UGT1A4: variants seen among roughly 807,000 people sequenced by gnomAD.
UGT1A4 encodes UDP-glucuronosyltransferase 1A4.
In UGT1A4, 32 loss-of-function variants were observed where a neutral mutation model predicts 41.1. The ratio of observed to expected loss-of-function variants is 0.78; its 90% confidence interval spans 0.59 to 1.05. The LOEUF (loss-of-function observed/expected upper bound fraction) is 1.05, where lower values mean the gene tolerates loss of function less well. UGT1A4 is among the 50% of genes least tolerant of loss of function. The pLI, the probability that UGT1A4 is intolerant of heterozygous loss-of-function variation, is 0.00. For synonymous variants in UGT1A4, 283 were observed against 265.1 expected, an observed-to-expected ratio of 1.07 and a Z score of -0.66; for missense variants, 748 against 677.4, an observed-to-expected ratio of 1.10 and a Z score of -1.16.
chr2:233,771,017 G>A (rs964132313), intron 4 of UGT1A4: 3 of 152,186 alleles, frequency 2.0e-5, no homozygotes, highest in African/African-American at 7.2e-5. Flanking sequence ...GCAGGAGCGA[G>A]AGAGAGTTGG....
At chr2:233,766,269 TCGG>T (rs1349388778) in intron 1 of UGT1A4, among the ~76,000 whole-genome samples, 29 of 67,888 alleles carry the variant, frequency 4.3e-4, no homozygotes, top group Admixed American at 8.2e-4. Context: ...TGGCCCGGGC[TCGG>T]TGGCCCGGGC....
At chr2:233,752,177 T>C (rs1381514307) in intron 1 of UGT1A4, among the ~76,000 whole-genome samples, 5 of 152,176 alleles carry the variant, frequency 3.3e-5, no homozygotes, top group Non-Finnish European at 7.3e-5. Context: ...TGATGTAAGC[T>C]GAATTAAAAT....
At chr2:233,740,031 T>C (rs1041494414) in intron 1 of UGT1A4, among the ~76,000 whole-genome samples, 2 of 151,832 alleles carry the variant, frequency 1.3e-5, no homozygotes, top group African/African-American at 2.4e-5. Flanking sequence ...CTGATGGTTT[T>C]ATAAGGGACT....
chr2:233,748,386 G>A (rs562746713), intron 1 of UGT1A4, among the ~76,000 whole-genome samples: 1 of 151,878 alleles, frequency 6.6e-6, no homozygotes, highest in African/African-American at 2.4e-5. Context: ...GTCCTTCATT[G>A]GGAAGGAGCA....
chr2:233,744,674 A>C (rs1324161550), intron 1 of UGT1A4, among the ~76,000 whole-genome samples: 16 of 151,928 alleles, frequency 1.1e-4, no homozygotes, highest in South Asian at 4.1e-4. Flanking sequence ...ATTACACATC[A>C]CCCATGTAGC....
chr2:233,733,374 C>T (rs1046101046), intron 1 of UGT1A4, among the ~76,000 whole-genome samples: 17 of 152,240 alleles, frequency 1.1e-4, no homozygotes, highest in Middle Eastern at 3.4e-3. Context: ...AGAGGTCATC[C>T]TTGTTTTGTG....
At chr2:233,729,021 C>G in intron 1 of UGT1A4, 4 of 1,593,202 alleles carry the variant, frequency 2.5e-6, no homozygotes, top group Non-Finnish European at 3.4e-6. Context: ...TCCAATTACA[C>G]GTTGATTTGC....
intron 1 of UGT1A4, among the ~76,000 whole-genome samples, chr2:233,763,329 T>C (rs752568926): frequency 2.0e-5 from 3 of 152,234 alleles, no homozygotes; most frequent in Non-Finnish European, 2.9e-5. Flanking sequence ...ATTATTTTTG[T>C]TTACATTTCC....
chr2:233,761,981 G>A (rs1697924435), intron 1 of UGT1A4, among the ~76,000 whole-genome samples: 1 of 152,178 alleles, frequency 6.6e-6, no homozygotes, highest in African/African-American at 2.4e-5. Context: ...CACCTTCGGA[G>A]GTGACCTTAT....
Position 233,729,783 on chromosome 2 carries a change from C to T in UGT1A4, c.867+10096C>T, listed in dbSNP as rs761502728. On this transcript the variant is annotated intron_variant, in intron 1 of 4. Coordinates refer to ENST00000373409, the MANE Select transcript of UGT1A4 (RefSeq NM_007120.3). Reference sequence around the variant, plus strand: ...TCAAGAACATGCTCTACCCTCTGGCCCTGTCCTACATTTGCCATGCTTTTT... The same window carrying T: ...TCAAGAACATGCTCTACCCTCTGGCTCTGTCCTACATTTGCCATGCTTTTT... 6 of 1,613,820 alleles carry T rather than the reference C, an allele frequency of 3.7e-6. No homozygotes were observed. In the Admixed American group the frequency reaches 8.3e-5, roughly 22 times the overall value.
rs1297199305 is a variant in UGT1A4, at chr2:233,749,242, C to T, written c.868-17792C>T. 1.3e-5 allele frequency among the ~76,000 whole-genome samples: 2 copies of T among 151,678 alleles called. 1 individual carries two copies. Among genetic ancestry groups the T allele is most frequent in the Admixed American group, 1.3e-4 (2 of 15,250 alleles). ...TAAGCTTCATTTTTTAAAATCAAACCACATGATTTTTTTATTGGTGATTTT... is the reference window on the plus strand; with the variant it reads ...TAAGCTTCATTTTTTAAAATCAAACTACATGATTTTTTTATTGGTGATTTT... On this transcript the variant is annotated intron_variant, in intron 1 of 4. Transcript: ENST00000373409.
In UGT1A4 at chr2:233,760,686, C is replaced by G. The variant is rs1553620770; in HGVS notation, c.868-6348C>G. ...CTGGCTGTTCCCACTTACTGCACAACAAGGAGCTCATGGCCTCCCTGGCAG... is the reference window on the plus strand; with the variant it reads ...CTGGCTGTTCCCACTTACTGCACAAGAAGGAGCTCATGGCCTCCCTGGCAG... On this transcript the variant is annotated intron_variant, in intron 1 of 4. Transcript: ENST00000373409. 6 of 1,614,220 alleles carry G rather than the reference C, an allele frequency of 3.7e-6. No homozygotes were observed. The highest frequency in any genetic ancestry group is 4.5e-5 in the East Asian group (2 of 44,882).
intron 1 of UGT1A4, chr2:233,729,725 C>G (rs780989099): frequency 1.1e-5 from 18 of 1,613,850 alleles, no homozygotes; most frequent in Non-Finnish European, 1.4e-5. Context: ...TTACTAACAA[C>G]CAATTCAGAC....
intron 1 of UGT1A4, among the ~76,000 whole-genome samples, chr2:233,764,942 G>C (rs12479045): frequency 0.069 from 10,555 of 152,174 alleles, 509 homozygotes; most frequent in East Asian, 0.2. Flanking sequence ...TGAGAGTGGC[G>C]GGGAGAGAGG....
intron 1 of UGT1A4, among the ~76,000 whole-genome samples, chr2:233,744,652 A>G (rs754395729): frequency 1.6e-4 from 24 of 151,892 alleles, no homozygotes; most frequent in Non-Finnish European, 2.8e-4. Flanking sequence ...TCTGTATTCA[A>G]TCTACTGTGA....
At chr2:233,737,845 C>A (rs993893058) in intron 1 of UGT1A4, among the ~76,000 whole-genome samples, 6 of 152,132 alleles carry the variant, frequency 3.9e-5, no homozygotes, top group Admixed American at 6.5e-5. Context: ...TGGCACAGGT[C>A]ACTCTTGCTA....
chr2:233,729,942 CA>C, intron 1 of UGT1A4: 1 of 1,614,068 alleles, frequency 6.2e-7, no homozygotes, highest in Non-Finnish European at 8.5e-7. Context: ...TCATGCCCAA[CA>C]TGGTCTTCAT....
At chr2:233,738,412 C>T (rs988923331) in intron 1 of UGT1A4, among the ~76,000 whole-genome samples, 1 of 152,164 alleles carries the variant, frequency 6.6e-6, no homozygotes, top group East Asian at 1.9e-4. Context: ...GGGTAACAGG[C>T]AGAGGCTGGA....
chr2:233,765,140 A>C lies in UGT1A4; in HGVS notation c.868-1894A>C, dbSNP rs1698761038. 3.3e-5 allele frequency among the ~76,000 whole-genome samples: 5 copies of C among 152,146 alleles called. No individual in the cohort carries two copies. In the South Asian group the frequency reaches 1.0e-3, roughly 32 times the overall value. ...TGTTCAGGTTTTAGCACTGAACATCACATGTCCTAGGGAACCCCTCAGTTT... is the reference window on the plus strand; with the variant it reads ...TGTTCAGGTTTTAGCACTGAACATCCCATGTCCTAGGGAACCCCTCAGTTT... On this transcript the variant is annotated intron_variant, in intron 1 of 4. Transcript: ENST00000373409.
Sources: gnomAD v4.1 joint callset for allele counts (sites outside exome capture counted in the v4.1 genomes callset) on GRCh38, gnomAD v4.1.1 for gene constraint, MANE v1.5 for transcripts, NCBI Gene and HGNC (gene_info 2026-07-23, HGNC 2026-07-21) for gene names.